The following EGLN1 variants were observed in gnomAD, a reference collection of about 807,000 sequenced individuals.
EGLN1 encodes egl-9 family hypoxia inducible factor 1, also known as egl nine homolog 1.
Under a neutral mutation model 38.3 loss-of-function variants are expected in EGLN1, and 17 were observed. That is an observed-to-expected ratio of 0.44 (90% confidence interval 0.30 to 0.67). The LOEUF is 0.67. Ranked by LOEUF, EGLN1 falls within the 30% of genes least tolerant of loss-of-function variation. The pLI is 0.08. For synonymous variants in EGLN1, 283 were observed against 257.5 expected, an observed-to-expected ratio of 1.10 and a Z score of -0.95; for missense variants, 477 against 603.3, an observed-to-expected ratio of 0.79 and a Z score of 2.19.
At chr1:231,410,066 G>A (rs1688897807) in intron 1 of EGLN1, among the ~76,000 whole-genome samples, 1 of 152,152 alleles carries the variant, frequency 6.6e-6, no homozygotes, top group South Asian at 2.1e-4. Flanking sequence ...CATTTAAGGG[G>A]CAGACACTGC....
chr1:231,399,196 C>T (rs565143687), intron 1 of EGLN1, among the ~76,000 whole-genome samples: 1 of 152,262 alleles, frequency 6.6e-6, no homozygotes, highest in East Asian at 1.9e-4. Flanking sequence ...AGCAGCAGAT[C>T]CCATTACTCA....
At chr1:231,369,544 T>C in intron 3 of EGLN1, 2 of 985,180 alleles carry the variant, frequency 2.0e-6, no homozygotes, top group Non-Finnish European at 2.4e-6. Context: ...TTTCTTTGGT[T>C]TCCATTCAGG....
At chr1:231,392,620 T>G (rs1220684275) in intron 1 of EGLN1, among the ~76,000 whole-genome samples, 1 of 152,170 alleles carries the variant, frequency 6.6e-6, no homozygotes, top group Admixed American at 6.5e-5. Context: ...CCTAGCTGTA[T>G]TTGGAAATAA....
intron 1 of EGLN1, among the ~76,000 whole-genome samples, chr1:231,415,489 T>TA (rs1317052643): frequency 2.0e-5 from 3 of 152,042 alleles, no homozygotes; most frequent in African/African-American, 7.2e-5. Flanking sequence ...AGTGGTTAGG[T>TA]AAAAAAATGG....
intron 1 of EGLN1, among the ~76,000 whole-genome samples, chr1:231,408,794 G>A (rs1476963421): frequency 2.6e-5 from 4 of 152,094 alleles, no homozygotes; most frequent in Non-Finnish European, 5.9e-5. Context: ...ACAGGACAAA[G>A]TTGTAGCTCT....
intron 1 of EGLN1, among the ~76,000 whole-genome samples, chr1:231,419,200 T>A (rs1258997724): frequency 1.3e-5 from 2 of 152,218 alleles, no homozygotes; most frequent in East Asian, 3.8e-4. Context: ...TATGTACAGT[T>A]ACGTGACTTA....
At chr1:231,403,767 C>CAAAAAAAAAAAAAAA (rs1167705317) in intron 1 of EGLN1, among the ~76,000 whole-genome samples, 1 of 18,302 alleles carries the variant, frequency 5.5e-5, no homozygotes, top group Non-Finnish European at 1.3e-4. Context: ...GACTCCATCT[C>CAAAAAAAAAAAAAAA]AAAAAAAAAA....
chr1:231,400,131 T>C (rs1446219374), intron 1 of EGLN1, among the ~76,000 whole-genome samples: 1 of 152,050 alleles, frequency 6.6e-6, no homozygotes, highest in South Asian at 2.1e-4. Context: ...TTGTGAGAGG[T>C]GTATATAAGA....
At position 231,366,374 on chromosome 1, in the gene EGLN1, ATTGT is replaced by A. The variant is rs758224125; in HGVS notation, c.*33_*36del. On this transcript the variant is annotated 3_prime_UTR_variant, in exon 5 of 5. Transcript: ENST00000366641. The stretch of plus-strand genomic sequence containing the variant: ...CACAAGTTAACAAATAGTTAACAAT[ATTGT>A]AGGTGAAGTGGGGTATTGCTGGATC... The A allele has an allele frequency of 6.3e-7, 1 of 1,597,926 alleles. No homozygotes were observed. Among genetic ancestry groups the A allele is most frequent in the South Asian group, 1.1e-5 (1 of 90,756 alleles).
At chr1:231,366,697 A>C (rs1687657104) in intron 4 of EGLN1, among the ~76,000 whole-genome samples, 1 of 152,216 alleles carries the variant, frequency 6.6e-6, no homozygotes, top group African/African-American at 2.4e-5. Context: ...CTCTACACAG[A>C]GATAATGATT....
At position 231,364,687 on chromosome 1, in the gene EGLN1, A is replaced by G. The variant is rs1687593088; in HGVS notation, c.*1724T>C. On this transcript the variant is annotated 3_prime_UTR_variant, in exon 5 of 5. Transcript: ENST00000366641. ...GAGCTTCCCATAGAAAAGGTCTCAA[A>G]TTGAATACAAACTATACAGATGCTA... The G allele has an allele frequency of 6.6e-6, 1 of 152,226 alleles. No individual in the cohort carries two copies. Among genetic ancestry groups the G allele is most frequent in the Non-Finnish European group, 1.5e-5 (1 of 68,046 alleles). The allele number at this position is 152,226 out of a possible 1,614,324, so 9.4% of individuals were successfully genotyped here. A position where few individuals can be genotyped will look rare whatever the true frequency, so the allele number is the denominator to read the frequency against.
chr1:231,405,068 T>C (rs1688752170), intron 1 of EGLN1, among the ~76,000 whole-genome samples: 2 of 152,336 alleles, frequency 1.3e-5, no homozygotes, highest in South Asian at 4.1e-4. Flanking sequence ...TCTGAACTTC[T>C]GATGACAATG....
chr1:231,381,929 G>A (rs1028919523), intron 1 of EGLN1, among the ~76,000 whole-genome samples: 13 of 152,200 alleles, frequency 8.5e-5, no homozygotes. Context: ...GGGATCCTGA[G>A]CAGGTCTCAG....
intron 1 of EGLN1, among the ~76,000 whole-genome samples, chr1:231,413,021 C>T (rs925567265): frequency 6.6e-6 from 1 of 152,082 alleles, no homozygotes; most frequent in Non-Finnish European, 1.5e-5. Context: ...TATCCTACTA[C>T]ATCAATCACA....
intron 1 of EGLN1, among the ~76,000 whole-genome samples, chr1:231,404,441 A>C (rs2808605): frequency 0.54 from 82,748 of 151,910 alleles, 24,186 homozygotes; most frequent in Non-Finnish European, 0.65. Flanking sequence ...AGCAATATCA[A>C]CAAACTGTAA....
rs534696860 is a variant in EGLN1 at position 231,387,429 on chromosome 1, G to A, written c.892-13330C>T. Reference sequence around the variant, plus strand: ...GGCTGGAGTGCAGTGGCTTGATCTCGGCTCACTGCAAGCTCCACCTCCCGG... The same window carrying A: ...GGCTGGAGTGCAGTGGCTTGATCTCAGCTCACTGCAAGCTCCACCTCCCGG... On this transcript the variant is annotated intron_variant, in intron 1 of 4. Coordinates refer to ENST00000366641, the MANE Select transcript of EGLN1 (RefSeq NM_022051.3). Among the ~76,000 whole-genome samples, 1,098 of 146,342 alleles carry A rather than the reference G, an allele frequency of 7.5e-3. 8 individuals carry two copies. Among genetic ancestry groups the A allele is most frequent in the South Asian group, 0.01 (48 of 4,648 alleles).
rs943016576 is a variant in EGLN1, at chr1:231,369,279, G to A, written c.1148+1283C>T. Among the ~76,000 whole-genome samples the A allele has an allele frequency of 4.6e-5, 7 of 152,028 alleles. No homozygotes were observed. The East Asian group carries it at 7.7e-4, about 17-fold the overall frequency. On this transcript the variant is annotated intron_variant, in intron 3 of 4. Transcript: ENST00000366641. ...GTCTCTCCAATGTAGCACCACCTTC[G>A]TTCCTCAACTCCTGTAGCACTTAGC...
chr1:231,382,019 C>A (rs10489610), intron 1 of EGLN1, among the ~76,000 whole-genome samples: 82,957 of 152,088 alleles, frequency 0.55, 24,255 homozygotes, highest in Non-Finnish European at 0.65. Flanking sequence ...GATATTCTGA[C>A]AGCTATGGCA....
intron 1 of EGLN1, among the ~76,000 whole-genome samples, chr1:231,379,083 G>A (rs2572249): frequency 0.58 from 87,747 of 152,036 alleles, 26,114 homozygotes; most frequent in Non-Finnish European, 0.65. Flanking sequence ...AAAAATTGCC[G>A]AAGGTCAGAG....
Sources: gnomAD v4.1 joint callset for allele counts (sites outside exome capture counted in the v4.1 genomes callset) on GRCh38, gnomAD v4.1.1 for gene constraint, MANE v1.5 for transcripts, NCBI Gene and HGNC (gene_info 2026-07-23, HGNC 2026-07-21) for gene names.